The following OR10J1 variants were observed in gnomAD, a reference collection of about 807,000 sequenced individuals.
OR10J1 encodes the protein olfactory receptor family 10 subfamily J member 1.
For missense variants in OR10J1, 474 were observed against 376.6 expected (o/e 1.26, Z -2.14); for synonymous variants, 202 against 143.8 (o/e 1.40, Z -2.89).
the OR10J1 span, among the ~76,000 whole-genome samples, chr1:159,430,640 G>GGGGGGTGTGTGTGTGTGT: frequency 7.1e-6 from 1 of 140,828 alleles, no homozygotes; most frequent in African/African-American, 2.7e-5. Flanking sequence ...AAAAAATTAT[G>GGGGGGTGTGTGTGTGTGT]GTGTGTGTGT....
At chr1:159,438,314 T>C (rs1558009664), upstream of OR10J1, among the ~76,000 whole-genome samples, 2 of 152,220 alleles carry the variant, frequency 1.3e-5, no homozygotes, top group Non-Finnish European at 2.9e-5. Flanking sequence ...GGGAACTTTA[T>C]TGGTATTTGG....
chr1:159,440,336 C>T lies in OR10J1; in HGVS notation c.545C>T (p.Pro182Leu), dbSNP rs1655899738. ...CCCCACTTCTTCTGTGACATCCGCC[C>T]TGTGATGAAGCTCTCCTGCATTGAC... ...KVPHFFCDIRPVMKLSCIDTT... is the reference protein window; with the variant it reads ...KVPHFFCDIRLVMKLSCIDTT... Residue 182 changes from proline to leucine, a missense_variant, in exon 1 of 1, where the codon CCT (proline) becomes CTT (leucine). Coordinates refer to ENST00000423932, the MANE Select transcript of OR10J1 (RefSeq NM_012351.3). 1 of 1,614,054 alleles carries T rather than the reference C, an allele frequency of 6.2e-7. No individual in the cohort carries two copies. Among genetic ancestry groups the T allele is most frequent in the South Asian group, 1.1e-5 (1 of 91,088 alleles).
chr1:159,417,397 C>T, the OR10J1 span, among the ~76,000 whole-genome samples: 610 of 152,250 alleles, frequency 4.0e-3, 11 homozygotes, highest in Non-Finnish European at 5.5e-3. Flanking sequence ...AATTCCCACA[C>T]GTCATGGGAG....
At chr1:159,409,838 T>C in the OR10J1 span, among the ~76,000 whole-genome samples, 5 of 152,118 alleles carry the variant, frequency 3.3e-5, no homozygotes, top group African/African-American at 7.2e-5. Context: ...GTGGGTTTGC[T>C]ATAGATAGCT....
the OR10J1 span, among the ~76,000 whole-genome samples, chr1:159,397,949 C>T: frequency 6.6e-6 from 1 of 152,202 alleles, no homozygotes; most frequent in Non-Finnish European, 1.5e-5. Context: ...CTTGGGCAAG[C>T]CCCAGCACTA....
At chr1:159,415,269 CT>C in the OR10J1 span, among the ~76,000 whole-genome samples, 1 of 151,856 alleles carries the variant, frequency 6.6e-6, no homozygotes, top group African/African-American at 2.4e-5. Flanking sequence ...TAGAAGCCCA[CT>C]TTTATTCTTC....
the OR10J1 span, among the ~76,000 whole-genome samples, chr1:159,424,121 C>T: frequency 2.0e-5 from 3 of 151,296 alleles, no homozygotes; most frequent in East Asian, 1.9e-4. Flanking sequence ...GAGGCTGAAG[C>T]AGGAGAATCG....
At chr1:159,426,873 G>A in the OR10J1 span, among the ~76,000 whole-genome samples, 1 of 151,816 alleles carries the variant, frequency 6.6e-6, no homozygotes, top group Non-Finnish European at 1.5e-5. Flanking sequence ...CACGTGTATA[G>A]CACTTACTAT....
chr1:159,417,352 C>T, the OR10J1 span, among the ~76,000 whole-genome samples: 2 of 151,994 alleles, frequency 1.3e-5, no homozygotes, highest in African/African-American at 2.4e-5. Flanking sequence ...TGACTCTGAC[C>T]ACACCCAAAT....
the OR10J1 span, among the ~76,000 whole-genome samples, chr1:159,418,450 C>T: frequency 0.11 from 16,492 of 152,236 alleles, 1,144 homozygotes; most frequent in East Asian, 0.23. Flanking sequence ...TCAGATGGTG[C>T]AATCCCCATA....
chr1:159,423,047 C>T, the OR10J1 span, among the ~76,000 whole-genome samples: 1 of 152,170 alleles, frequency 6.6e-6, no homozygotes, highest in Non-Finnish European at 1.5e-5. Flanking sequence ...ATACCAGATG[C>T]ATCTAGTCAG....
rs1327711936 is a variant in OR10J1, at chr1:159,440,754, C to T, written c.*33C>T. On this transcript the variant is annotated 3_prime_UTR_variant, in exon 1 of 1. Transcript: ENST00000423932. ...GGAAGAGTTCTCCTGAGGCTGTCAA[C>T]ATCCACACTAGGCAGGAATATGAGG... The T allele has an allele frequency of 3.2e-6, 5 of 1,586,406 alleles. No homozygotes were observed. The African/African-American group carries it at 4.0e-5, about 13-fold the overall frequency.
At chr1:159,406,493 G>A in the OR10J1 span, 2 of 243,156 alleles carry the variant, frequency 8.2e-6, no homozygotes, top group Non-Finnish European at 8.2e-6. Context: ...AATGTTCCAG[G>A]CACAGGGGTT....
chr1:159,430,317 C>T, the OR10J1 span, among the ~76,000 whole-genome samples: 1 of 152,064 alleles, frequency 6.6e-6, no homozygotes, highest in Non-Finnish European at 1.5e-5. Flanking sequence ...ATCTCCATCC[C>T]AGATTGTGAC....
the OR10J1 span, among the ~76,000 whole-genome samples, chr1:159,418,585 C>A: frequency 5.0e-4 from 76 of 152,322 alleles, 1 homozygote; most frequent in Admixed American, 4.1e-3. Flanking sequence ...CAGAAGTTTG[C>A]TGCAGGGGTG....
At chr1:159,410,413 T>C in the OR10J1 span, among the ~76,000 whole-genome samples, 1 of 152,202 alleles carries the variant, frequency 6.6e-6, no homozygotes, top group Non-Finnish European at 1.5e-5. Flanking sequence ...AACTTCTTCC[T>C]GGTTTAGTCT....
At chr1:159,400,235 T>C in the OR10J1 span, among the ~76,000 whole-genome samples, 1 of 151,820 alleles carries the variant, frequency 6.6e-6, no homozygotes, top group Non-Finnish European at 1.5e-5. Context: ...TTATCAACAA[T>C]AACATTGAAT....
the OR10J1 span, among the ~76,000 whole-genome samples, chr1:159,423,993 G>A: frequency 1.7e-3 from 253 of 152,106 alleles, 2 homozygotes; most frequent in Non-Finnish European, 2.4e-3. Flanking sequence ...GAGGCGAGTG[G>A]GTCACTAGGT....
chr1:159,421,508 A>G, the OR10J1 span, among the ~76,000 whole-genome samples: 1 of 152,128 alleles, frequency 6.6e-6, no homozygotes, highest in Non-Finnish European at 1.5e-5. Flanking sequence ...ATCTGGTGCA[A>G]TAGTTGCTTT....
Sources: allele counts gnomAD v4.1 joint callset (sites outside exome capture counted in the v4.1 genomes callset), GRCh38; gene constraint gnomAD v4.1.1; transcripts MANE v1.5; gene names NCBI Gene and HGNC (gene_info 2026-07-23, HGNC 2026-07-21).